ADCY1: variants seen among roughly 807,000 people sequenced by gnomAD.
ADCY1 encodes the protein adenylate cyclase type 1.
A neutral mutation model predicts 105.4 loss-of-function variants in ADCY1; 28 were observed. The ratio of observed to expected loss-of-function variants is 0.27; its 90% CI spans 0.20 to 0.36. ADCY1 has a LOEUF of 0.36. ADCY1 is among the 10% of genes least tolerant of loss of function. ADCY1 has a pLI of 1.00. For missense variants in ADCY1, 977 were observed against 1,434.2 expected (o/e 0.68, Z 5.15); for synonymous variants, 655 against 623.8 (o/e 1.05, Z -0.75).
intron 3 of ADCY1, among the ~76,000 whole-genome samples, chr7:45,620,864 ATCT>A (rs968088916): frequency 3.3e-5 from 5 of 152,074 alleles, no homozygotes; most frequent in Non-Finnish European, 5.9e-5. Context: ...ACCATGCAGA[ATCT>A]TCTTCTCCCA....
At chr7:45,619,837 T>C (rs184439586) in intron 3 of ADCY1, among the ~76,000 whole-genome samples, 1 of 152,334 alleles carries the variant, frequency 6.6e-6, no homozygotes, top group East Asian at 1.9e-4. Context: ...TTAACCATAC[T>C]GTATTGTATG....
At chr7:45,579,175 T>C (rs1792444543) in intron 1 of ADCY1, among the ~76,000 whole-genome samples, 1 of 152,138 alleles carries the variant, frequency 6.6e-6, no homozygotes, top group Non-Finnish European at 1.5e-5. Flanking sequence ...ACCTGGTTGT[T>C]GATAGCAAAG....
intron 8 of ADCY1, chr7:45,664,486 C>T (rs1289468559): frequency 6.2e-6 from 9 of 1,451,046 alleles, no homozygotes; most frequent in Non-Finnish European, 9.1e-7. Context: ...TCTCAGCACT[C>T]TCTCCTGATC....
chr7:45,621,935 G>A (rs1374707270), intron 3 of ADCY1, among the ~76,000 whole-genome samples: 1 of 152,140 alleles, frequency 6.6e-6, no homozygotes, highest in African/African-American at 2.4e-5. Flanking sequence ...AATATTGCAA[G>A]AAGAGATAGG....
intron 1 of ADCY1, among the ~76,000 whole-genome samples, chr7:45,576,476 C>T (rs11979797): frequency 0.061 from 9,316 of 151,922 alleles, 361 homozygotes; most frequent in African/African-American, 0.11. Flanking sequence ...GGCAGGAGTA[C>T]ATGGAGAATT....
intron 11 of ADCY1, among the ~76,000 whole-genome samples, chr7:45,680,077 T>C (rs961162019): frequency 6.6e-6 from 1 of 152,208 alleles, no homozygotes; most frequent in Non-Finnish European, 1.5e-5. Context: ...AAGAGTCTGC[T>C]CATATAGCAG....
chr7:45,615,760 A>G (rs536130631), intron 3 of ADCY1, among the ~76,000 whole-genome samples: 2 of 151,624 alleles, frequency 1.3e-5, no homozygotes, highest in Non-Finnish European at 2.9e-5. Context: ...GAAGATCTCA[A>G]ATTAACAATA....
At chr7:45,623,287 G>A (rs935212183) in intron 4 of ADCY1, among the ~76,000 whole-genome samples, 1 of 152,232 alleles carries the variant, frequency 6.6e-6, no homozygotes, top group Non-Finnish European at 1.5e-5. Context: ...AGTCACATCT[G>A]GCAGCCAAGT....
Position 45,720,908 on chromosome 7 carries a change from G to T in ADCY1, c.*6913G>T, listed in dbSNP as rs548206731. ...TATTATTATACTCCTTATGTTGACA[G>T]TGAAGAATCTGAGGCCCAGAGAGGT... On this transcript the variant is annotated 3_prime_UTR_variant, in exon 20 of 20. Coordinates refer to ENST00000297323, the MANE Select transcript of ADCY1 (RefSeq NM_021116.4). 4.6e-5 allele frequency: 7 copies of T among 152,420 alleles called. No individual in the cohort carries two copies. In the South Asian group the frequency reaches 1.4e-3, roughly 32 times the overall value. The allele number at this position is 152,420 out of a possible 1,614,324, so 9.4% of individuals were successfully genotyped here.
chr7:45,590,599 G>A (rs1406035174), intron 1 of ADCY1, among the ~76,000 whole-genome samples: 2 of 152,260 alleles, frequency 1.3e-5, no homozygotes, highest in East Asian at 3.9e-4. Context: ...GGAAAAAGCC[G>A]GATCTGAGTG....
intron 4 of ADCY1, among the ~76,000 whole-genome samples, chr7:45,645,322 A>G (rs1354703714): frequency 6.6e-6 from 1 of 151,826 alleles, no homozygotes; most frequent in South Asian, 2.1e-4. Flanking sequence ...CTCCTTTTAC[A>G]TAGGACTCCT....
At chr7:45,684,714 A>G (rs953538970) in intron 11 of ADCY1, 6 of 313,880 alleles carry the variant, frequency 1.9e-5, no homozygotes, top group Non-Finnish European at 3.5e-5. Flanking sequence ...GTGCCAATCA[A>G]AGTTACAATG....
Position 45,686,056 on chromosome 7 carries a change from C to T in ADCY1, c.2168C>T (p.Pro723Leu). 2.5e-6 allele frequency: 4 copies of T among 1,613,852 alleles called. No individual in the cohort carries two copies. The highest frequency in any genetic ancestry group is 3.4e-6 in the Non-Finnish European group (4 of 1,179,934). ...GGQRTALPTLPCESTHHALLC... is the reference protein window; with the variant it reads ...GGQRTALPTLLCESTHHALLC... The stretch of plus-strand genomic sequence containing the variant: ...CAGCGCACAGCCCTGCCCACCCTGC[C>T]CTGCGAGTCTACACACCATGCCCTG... Residue 723 changes from proline to leucine, a missense_variant, in exon 13 of 20, where the codon CCC becomes CTC. Physicochemically the swap from Pro to Leu is moderately conservative, Grantham distance 98. This residue lies in a region of ADCY1 where 275 missense variants were observed against 362.1 expected (regional missense o/e 0.76). Transcript: ENST00000297323. This position sits in a 1 kb window ranked among gnomAD's most constrained non-coding sequence, Gnocchi z 4.3.
At chr7:45,656,854 G>A (rs150874760) in intron 5 of ADCY1, among the ~76,000 whole-genome samples, 209 of 152,314 alleles carry the variant, frequency 1.4e-3, no homozygotes, top group African/African-American at 4.0e-3. Context: ...TTTCCATCCC[G>A]GATGGAATAG....
At chr7:45,579,532 A>G (rs1792460192) in intron 1 of ADCY1, among the ~76,000 whole-genome samples, 3 of 151,900 alleles carry the variant, frequency 2.0e-5, no homozygotes, top group South Asian at 4.2e-4. Flanking sequence ...CGTGGCCTGC[A>G]GCCTGGTCCT....
intron 1 of ADCY1, among the ~76,000 whole-genome samples, chr7:45,578,220 C>T (rs942262172): frequency 4.6e-5 from 7 of 152,126 alleles, no homozygotes; most frequent in South Asian, 2.1e-4. Flanking sequence ...GCTCCTCCCC[C>T]GGAGAAGTGC....
At chr7:45,631,095 T>G (rs773184402) in intron 4 of ADCY1, among the ~76,000 whole-genome samples, 6 of 152,242 alleles carry the variant, frequency 3.9e-5, no homozygotes, top group Non-Finnish European at 7.3e-5. Flanking sequence ...TTACACTCAA[T>G]ATATGGTAAT....
At chr7:45,667,758 G>A (rs1166267128) in intron 8 of ADCY1, among the ~76,000 whole-genome samples, 5 of 152,096 alleles carry the variant, frequency 3.3e-5, no homozygotes, top group Admixed American at 6.6e-5. Context: ...CTTCCTATCC[G>A]TGAGCATGGA....
At position 45,574,976 on chromosome 7, in the gene ADCY1, C is replaced by A. The variant is rs1450920212; in HGVS notation, c.433C>A (p.Pro145Thr). Reference protein sequence around the residue: ...LLCCPFALGGPARGSAGAAGG... With the variant: ...LLCCPFALGGTARGSAGAAGG... ...CTGCTGTCCTTTCGCGCTGGGCGGC[C>A]CCGCCCGGGGTTCCGCCGGGGCCGC... The change falls in exon 1 of 20, where the codon CCC becomes ACC. Residue 145 changes from proline to threonine, a missense_variant. This residue lies in a region of ADCY1 where 209 missense variants were observed against 222.5 expected (regional missense o/e 0.94). Coordinates refer to ENST00000297323, the MANE Select transcript of ADCY1 (RefSeq NM_021116.4). The surrounding 1 kb of genome is among the most constrained non-coding windows in gnomAD (Gnocchi z 7.0). 5.0e-6 allele frequency: 8 copies of A among 1,610,866 alleles called. No individual in the cohort carries two copies. The highest frequency in any genetic ancestry group is 4.0e-5 in the African/African-American group (3 of 74,882).
Sources: gnomAD v4.1 joint callset for allele counts (sites outside exome capture counted in the v4.1 genomes callset) on GRCh38, gnomAD v4.1.1 for gene constraint, gnomAD v4.1.1 regional missense constraint, Gnocchi (gnomAD v3.1) non-coding constraint, MANE v1.5 for transcripts, NCBI Gene and HGNC (gene_info 2026-07-23, HGNC 2026-07-21) for gene names.